The following ZEB1 variants were observed in gnomAD, a reference collection of about 807,000 sequenced individuals.
The protein encoded by ZEB1 is zinc finger E-box-binding homeobox 1.
ZEB1 carries 21 observed loss-of-function variants against 84.9 expected under a neutral mutation model. The ratio of observed to expected loss-of-function variants is 0.25; its 90% CI spans 0.18 to 0.36. ZEB1 has a LOEUF of 0.36. Ranked by LOEUF, ZEB1 falls within the 10% of genes least tolerant of loss-of-function variation. The pLI, the probability that ZEB1 is intolerant of heterozygous loss-of-function variation, is 1.00. For synonymous variants in ZEB1, 420 were observed against 471.1 expected, an observed-to-expected ratio of 0.89 and a Z score of 1.41; for missense variants, 1,104 against 1,330.2, an observed-to-expected ratio of 0.83 and a Z score of 2.65.
At chr10:31,451,206 G>A (rs1443238979) in intron 1 of ZEB1, among the ~76,000 whole-genome samples, 1 of 151,994 alleles carries the variant, frequency 6.6e-6, no homozygotes, top group Admixed American at 6.6e-5. Context: ...TTTCATCTAG[G>A]TTTTCAAATT....
intron 3 of ZEB1, 30 bp downstream of exon 3, chr10:31,495,868 T>C (rs781172415): frequency 3.1e-6 from 5 of 1,611,762 alleles, no homozygotes; most frequent in Non-Finnish European, 4.2e-6. Flanking sequence ...TTTCATACCA[T>C]AGCCTTTAAA....
At chr10:31,435,765 A>C (rs553609946) in intron 1 of ZEB1, among the ~76,000 whole-genome samples, 1 of 152,350 alleles carries the variant, frequency 6.6e-6, no homozygotes, top group East Asian at 1.9e-4. Context: ...TGATGGAACA[A>C]TGGAAAGCCA....
chr10:31,346,318 G>T (rs766697308), intron 1 of ZEB1, among the ~76,000 whole-genome samples: 1 of 152,054 alleles, frequency 6.6e-6, no homozygotes, highest in Non-Finnish European at 1.5e-5. Context: ...CTGGATAGTT[G>T]GTTTTCAGAA....
In ZEB1 at chr10:31,526,776, G is replaced by A. The variant is rs149757409; in HGVS notation, c.2890G>A (p.Asp964Asn). ...TTCTGGAGAAAAGCCCTATCAATGT[G>A]ACAAATGTGGAAAGCGCTTCTCACA... ...LHSGEKPYQC[D>N]KCGKRFSHSG... Residue 964 changes from aspartate (D) to asparagine (N), a missense_variant, in exon 9 of 9, where the codon GAC (aspartate) becomes AAC (asparagine). This residue lies in a region of ZEB1 where 53 missense variants were observed against 92.5 expected (regional missense o/e 0.57). Transcript: ENST00000424869. 63 of 1,613,938 alleles carry A rather than the reference G, an allele frequency of 3.9e-5. No individual in the cohort carries two copies. In the African/African-American group the frequency reaches 7.7e-4, roughly 20 times the overall value.
At chr10:31,490,181 G>A (rs1425449618) in intron 2 of ZEB1, among the ~76,000 whole-genome samples, 3 of 151,454 alleles carry the variant, frequency 2.0e-5, no homozygotes, top group East Asian at 3.9e-4. Context: ...AGATTTGGGG[G>A]GTTAGGAGGT....
At chr10:31,489,904 G>T (rs1401147783) in intron 2 of ZEB1, among the ~76,000 whole-genome samples, 1 of 151,360 alleles carries the variant, frequency 6.6e-6, no homozygotes, top group Non-Finnish European at 1.5e-5. Context: ...TGCCAGCAAT[G>T]AACTATACTT....
intron 2 of ZEB1, among the ~76,000 whole-genome samples, chr10:31,476,601 C>T (rs1488247354): frequency 6.6e-6 from 1 of 151,896 alleles, no homozygotes; most frequent in Admixed American, 6.6e-5. Flanking sequence ...GGATACCTCC[C>T]TAACTCTTTC....
At chr10:31,441,991 A>T (rs1591304690) in intron 1 of ZEB1, among the ~76,000 whole-genome samples, 2 of 152,244 alleles carry the variant, frequency 1.3e-5, no homozygotes. Flanking sequence ...ATTGTGGAAG[A>T]CAGTGTGGCG....
At chr10:31,494,461 C>T (rs1037513658) in intron 2 of ZEB1, among the ~76,000 whole-genome samples, 4 of 151,926 alleles carry the variant, frequency 2.6e-5, no homozygotes, top group East Asian at 1.9e-4. Flanking sequence ...AATAAATCCA[C>T]GTGATAATCC....
intron 6 of ZEB1, among the ~76,000 whole-genome samples, chr10:31,518,174 T>C (rs892379878): frequency 6.6e-6 from 1 of 152,176 alleles, no homozygotes; most frequent in African/African-American, 2.4e-5. Context: ...TTACCCCCAC[T>C]GGAAACTTTT....
chr10:31,364,277 G>T (rs1237654809), intron 1 of ZEB1, among the ~76,000 whole-genome samples: 1 of 152,156 alleles, frequency 6.6e-6, no homozygotes. Context: ...GGTCCAGCTG[G>T]ACTCTAGCCT....
At chr10:31,470,204 CTGGACGGAGAACGACTT>C (rs1474194340) in intron 2 of ZEB1, among the ~76,000 whole-genome samples, 3 of 152,182 alleles carry the variant, frequency 2.0e-5, no homozygotes, top group African/African-American at 7.2e-5. Context: ...TGGAACAAAG[CTGGACGGAGAACGACTT>C]TGACGAGCTG....
chr10:31,529,631 G>C lies in ZEB1; in HGVS notation c.*2367G>C, dbSNP rs994275735. ...GTGCCTGGCATAAGTTGGGACAACAGATATTTGTTGAATAAAAATATAATT... is the reference window on the plus strand; with the variant it reads ...GTGCCTGGCATAAGTTGGGACAACACATATTTGTTGAATAAAAATATAATT... On this transcript the variant is annotated 3_prime_UTR_variant, in exon 9 of 9. Coordinates refer to ENST00000424869, the MANE Select transcript of ZEB1 (RefSeq NM_001174096.2). The C allele has an allele frequency of 1.3e-5, 2 of 152,192 alleles. No homozygotes were observed. Among genetic ancestry groups the C allele is most frequent in the Non-Finnish European group, 2.9e-5 (2 of 68,030 alleles). The allele number at this position is 152,192 out of a possible 1,614,324, so 9.4% of individuals were successfully genotyped here.
chr10:31,386,553 T>C (rs1379492723), intron 1 of ZEB1, among the ~76,000 whole-genome samples: 1 of 152,080 alleles, frequency 6.6e-6, no homozygotes, highest in Non-Finnish European at 1.5e-5. Context: ...CTACAGATAA[T>C]CAGTGTGTCA....
chr10:31,481,868 T>C (rs2065086341), intron 2 of ZEB1, among the ~76,000 whole-genome samples: 1 of 152,044 alleles, frequency 6.6e-6, no homozygotes, highest in Non-Finnish European at 1.5e-5. Context: ...GGACAGGTCT[T>C]CCTTACAGTA....
Position 31,521,403 on chromosome 10 carries a change from C to T in ZEB1, c.2071C>T (p.Pro691Ser), listed in dbSNP as rs2072334557. ...GAAGATGACTAACTCCCCAGTTTTA[C>T]CAGTGGGATCAACCACCAATGGTTC... ...PLKMTNSPVL[P>S]VGSTTNGSRS... The change falls in exon 7 of 9, where the codon CCA becomes TCA. Residue 691 changes from proline (P) to serine (S), a missense_variant. Physicochemically the swap from Pro to Ser is moderately conservative, Grantham distance 74. Around this residue, in one of 7 missense-constraint regions of ZEB1, gnomAD observed 531 missense variants for 575.2 expected, o/e 0.92. Transcript: ENST00000424869. The T allele has an allele frequency of 1.9e-6, 3 of 1,614,076 alleles. No individual in the cohort carries two copies. Among genetic ancestry groups the T allele is most frequent in the South Asian group, 2.2e-5 (2 of 91,076 alleles).
chr10:31,509,800 A>G (rs1026672791), intron 4 of ZEB1, among the ~76,000 whole-genome samples: 1 of 152,248 alleles, frequency 6.6e-6, no homozygotes, highest in African/African-American at 2.4e-5. Context: ...CATTGAAGAA[A>G]TGTCAAATAT....
intron 1 of ZEB1, among the ~76,000 whole-genome samples, chr10:31,445,779 G>GT (rs2059682767): frequency 2.0e-5 from 2 of 97,604 alleles, no homozygotes; most frequent in Admixed American, 2.3e-4. Context: ...CTTGATCATG[G>GT]TGGATAAGCT....
intron 1 of ZEB1, among the ~76,000 whole-genome samples, chr10:31,443,196 T>C (rs2059253548): frequency 6.6e-6 from 1 of 152,212 alleles, no homozygotes; most frequent in Non-Finnish European, 1.5e-5. Flanking sequence ...GAATTGCTTG[T>C]GCATATTCTT....
Sources: gnomAD v4.1 joint callset for allele counts (sites outside exome capture counted in the v4.1 genomes callset) on GRCh38, gnomAD v4.1.1 for gene constraint, gnomAD v4.1.1 regional missense constraint, MANE v1.5 for transcripts, NCBI Gene and HGNC (gene_info 2026-07-23, HGNC 2026-07-21) for gene names.